Variants in SLC14A2 observed in about 807,000 individuals in gnomAD.
The protein encoded by SLC14A2 is urea transporter 2.
SLC14A2 carries 91 observed loss-of-function variants against 104.6 expected under a neutral mutation model. That is an observed-to-expected ratio of 0.87 (90% CI 0.73 to 1.04). The LOEUF is 1.04. SLC14A2 is among the 50% of genes least tolerant of loss of function. SLC14A2 has a pLI of 0.00. For synonymous variants in SLC14A2, 476 were observed against 466.4 expected (o/e 1.02, Z -0.27); for missense variants, 1,189 against 1,156.0 (o/e 1.03, Z -0.41).
At chr18:45,631,628 T>C (rs1478532983) in intron 4 of SLC14A2, among the ~76,000 whole-genome samples, 2 of 152,218 alleles carry the variant, frequency 1.3e-5, no homozygotes, top group Admixed American at 1.3e-4. Flanking sequence ...GAGAATTTTT[T>C]GTTTTTGAGA....
chr18:45,293,527 G>A (rs1250403568), intron 1 of SLC14A2, among the ~76,000 whole-genome samples: 1 of 151,060 alleles, frequency 6.6e-6, no homozygotes, highest in East Asian at 2.0e-4. Flanking sequence ...CCCGAGAAGT[G>A]CCATTTAAGC....
chr18:45,186,179 A>G, the SLC14A2 span, among the ~76,000 whole-genome samples: 1 of 152,204 alleles, frequency 6.6e-6, no homozygotes, highest in Non-Finnish European at 1.5e-5. Flanking sequence ...ACTTTGAAAG[A>G]CACAAATTTG....
intron 2 of SLC14A2, among the ~76,000 whole-genome samples, chr18:45,515,798 C>T (rs28393781): frequency 0.021 from 3,187 of 152,330 alleles, 121 homozygotes; most frequent in African/African-American, 0.072. Context: ...TTCAGAAAAC[C>T]ATGCATCACA....
chr18:45,394,342 T>C lies in SLC14A2; in HGVS notation c.-124-88891T>C, dbSNP rs373491410. On this transcript the variant is annotated intron_variant, in intron 1 of 20. Coordinates refer to the SLC14A2 transcript ENST00000586448. Reference sequence around the variant, plus strand: ...TGTTAGGGTGCAGGAAATCACAGAATCATGCTCCTTAAAATCGTATGTAAA... The same window carrying C: ...TGTTAGGGTGCAGGAAATCACAGAACCATGCTCCTTAAAATCGTATGTAAA... Among the ~76,000 whole-genome samples, 4 of 152,292 alleles carry C rather than the reference T, an allele frequency of 2.6e-5. No individual in the cohort carries two copies. In the East Asian group the frequency reaches 7.7e-4, roughly 29 times the overall value.
At chr18:45,180,098 G>A in the SLC14A2 span, 2 of 152,266 alleles carry the variant, frequency 1.3e-5, no homozygotes, top group African/African-American at 4.8e-5. Flanking sequence ...GCAGTGAGAC[G>A]TGATAGTACC....
At chr18:45,425,742 A>G (rs886165387) in intron 1 of SLC14A2, among the ~76,000 whole-genome samples, 4 of 152,182 alleles carry the variant, frequency 2.6e-5, no homozygotes, top group Non-Finnish European at 5.9e-5. Flanking sequence ...GTATAATAGT[A>G]AGCTGTCCAG....
chr18:45,682,568 G>A lies in SLC14A2; in HGVS notation c.*49G>A, dbSNP rs116845575. The A allele has an allele frequency of 2.4e-4, 352 of 1,467,322 alleles. 2 individuals carry two copies. In the East Asian group the frequency reaches 4.6e-3, roughly 19 times the overall value. 90.9% of individuals were successfully genotyped at this position (1,467,322 alleles called of 1,614,324 possible). Reference sequence around the variant, plus strand: ...GTGTAAATTCAGGCTTCAGCACGCCGTCCAGATCCCCAGGATAAGAGACCA... The same window carrying A: ...GTGTAAATTCAGGCTTCAGCACGCCATCCAGATCCCCAGGATAAGAGACCA... On this transcript the variant is annotated 3_prime_UTR_variant, in exon 20 of 20. Transcript: ENST00000255226.
chr18:45,410,807 C>G (rs1004536149), intron 1 of SLC14A2, among the ~76,000 whole-genome samples: 2 of 152,222 alleles, frequency 1.3e-5, no homozygotes, highest in African/African-American at 4.8e-5. Context: ...GCTCTGCCTT[C>G]TTGCATTGGC....
At chr18:45,669,036 G>A (rs1599153916) in intron 15 of SLC14A2, among the ~76,000 whole-genome samples, 2 of 152,370 alleles carry the variant, frequency 1.3e-5, no homozygotes, top group South Asian at 4.1e-4. Flanking sequence ...CCAACCTGAT[G>A]CCTGGGGATG....
chr18:45,601,081 G>T (rs2044784832), intron 2 of SLC14A2, among the ~76,000 whole-genome samples: 1 of 152,144 alleles, frequency 6.6e-6, no homozygotes, highest in African/African-American at 2.4e-5. Flanking sequence ...ACTTCCCTAG[G>T]CTGTCCCTTA....
chr18:45,443,770 A>G (rs988700960), intron 1 of SLC14A2, among the ~76,000 whole-genome samples: 2 of 152,008 alleles, frequency 1.3e-5, no homozygotes, highest in Non-Finnish European at 2.9e-5. Flanking sequence ...GTTTTGGGGT[A>G]TGTTTTTCTG....
intron 1 of SLC14A2, among the ~76,000 whole-genome samples, chr18:45,449,772 T>C (rs1479417803): frequency 6.6e-6 from 1 of 152,158 alleles, no homozygotes; most frequent in South Asian, 2.1e-4. Context: ...AAACTTAGTT[T>C]TAATAGCAGC....
intron 1 of SLC14A2, among the ~76,000 whole-genome samples, chr18:45,360,905 C>T (rs972334513): frequency 6.6e-6 from 1 of 152,184 alleles, no homozygotes; most frequent in Non-Finnish European, 1.5e-5. Context: ...ATTCCCCCAT[C>T]TCTCTTTTCC....
intron 1 of SLC14A2, chr18:45,447,482 T>A (rs1666384043): frequency 6.6e-6 from 1 of 152,218 alleles, no homozygotes; most frequent in Non-Finnish European, 1.5e-5. Flanking sequence ...CTGAGATCAC[T>A]TTATGACTCC....
chr18:45,500,655 T>C (rs1296477764), intron 2 of SLC14A2, among the ~76,000 whole-genome samples: 1 of 151,948 alleles, frequency 6.6e-6, no homozygotes, highest in Non-Finnish European at 1.5e-5. Context: ...AGGTTTCCAG[T>C]TCCTCAAGAA....
At chr18:45,492,320 C>A (rs897639870) in intron 2 of SLC14A2, among the ~76,000 whole-genome samples, 5 of 152,136 alleles carry the variant, frequency 3.3e-5, no homozygotes, top group Non-Finnish European at 1.5e-5. Context: ...CTTGAGACTG[C>A]GTAGTTTATA....
intron 1 of SLC14A2, among the ~76,000 whole-genome samples, chr18:45,477,552 G>A (rs1306038839): frequency 6.6e-6 from 1 of 152,146 alleles, no homozygotes; most frequent in Non-Finnish European, 1.5e-5. Context: ...CGGCAGGCAG[G>A]AACATTTAAG....
chr18:45,439,580 C>T (rs74828619), intron 1 of SLC14A2, among the ~76,000 whole-genome samples: 1 of 152,134 alleles, frequency 6.6e-6, no homozygotes, highest in Non-Finnish European at 1.5e-5. Context: ...TCTTATGATG[C>T]TCACAGTCTA....
chr18:45,616,627 G>A (rs1468492280), intron 1 of SLC14A2, among the ~76,000 whole-genome samples: 1 of 152,244 alleles, frequency 6.6e-6, no homozygotes, highest in Non-Finnish European at 1.5e-5. Context: ...CTGCGTTGGG[G>A]AGGGCCTGGC....
Sources: gnomAD v4.1 joint callset for allele counts (sites outside exome capture counted in the v4.1 genomes callset) on GRCh38, gnomAD v4.1.1 for gene constraint, MANE v1.5 for transcripts, NCBI Gene and HGNC (gene_info 2026-07-23, HGNC 2026-07-21) for gene names.